SCMH1: variants seen among roughly 807,000 people sequenced by gnomAD.
The protein encoded by SCMH1 is polycomb protein SCMH1.
A neutral mutation model predicts 70.8 loss-of-function variants in SCMH1; 37 were observed. The ratio of observed to expected loss-of-function variants is 0.52; its 90% CI spans 0.40 to 0.69. SCMH1 has a LOEUF of 0.69. SCMH1 is among the 30% of genes least tolerant of loss of function. SCMH1 has a pLI of 0.00. For missense variants in SCMH1, 607 were observed against 827.3 expected (o/e 0.73, Z 3.27); for synonymous variants, 292 against 307.4 (o/e 0.95, Z 0.52).
At chr1:41,174,434 C>T (rs1646982549) in intron 2 of SCMH1, among the ~76,000 whole-genome samples, 1 of 151,990 alleles carries the variant, frequency 6.6e-6, no homozygotes, top group Non-Finnish European at 1.5e-5. Flanking sequence ...AGTATGTCTA[C>T]AGTACAGGAG....
At chr1:41,141,835 A>ACAGACAGAGT (rs1482094458) in intron 6 of SCMH1, among the ~76,000 whole-genome samples, 37 of 121,798 alleles carry the variant, frequency 3.0e-4, no homozygotes, top group African/African-American at 7.9e-4. Context: ...ACAGACAGAG[A>ACAGACAGAGT]CAGACAATCC....
chr1:41,136,773 CTT>C (rs67410901), intron 6 of SCMH1, among the ~76,000 whole-genome samples: 59 of 108,422 alleles, frequency 5.4e-4, no homozygotes, highest in Admixed American at 8.2e-4. Flanking sequence ...AAGGACAGTA[CTT>C]TTTTTTTTTT....
rs143667729 is a variant in SCMH1, at chr1:41,222,653, C to T, written c.-118+19406G>A. Among the ~76,000 whole-genome samples, 371 of 152,260 alleles carry T rather than the reference C, an allele frequency of 2.4e-3. 2 individuals carry two copies. The highest frequency in any genetic ancestry group is 4.6e-3 in the Admixed American group (71 of 15,300). On this transcript the variant is annotated intron_variant, in intron 1 of 14. Coordinates refer to ENST00000337495, the Ensembl canonical transcript of SCMH1. ...AATCCAGACACCTGGCACCCTAAAGCCTTTTTTCACTTGGGTATTACGGTC... is the reference window on the plus strand; with the variant it reads ...AATCCAGACACCTGGCACCCTAAAGTCTTTTTTCACTTGGGTATTACGGTC...
At position 41,037,561 on chromosome 1, in the gene SCMH1, G is replaced by C. The variant is rs1408328290; in HGVS notation, c.1499-20C>G. The C allele has an allele frequency of 6.2e-6, 10 of 1,610,230 alleles. No individual in the cohort carries two copies. The highest frequency in any genetic ancestry group is 8.5e-6 in the Non-Finnish European group (10 of 1,177,318). ...TTTCACCTGAAAAACAGTAAAACCA[G>C]AGTTAGAGCTTAGAAGGACTGCCAG... On this transcript the variant is annotated intron_variant, in intron 12 of 14. Transcript: ENST00000337495.
intron 5 of SCMH1, among the ~76,000 whole-genome samples, chr1:41,144,239 C>T (rs1358163456): frequency 1.3e-5 from 2 of 152,136 alleles, no homozygotes; most frequent in African/African-American, 2.4e-5. Context: ...GAACCCCCTG[C>T]CCCAGTGGAG....
intron 1 of SCMH1, among the ~76,000 whole-genome samples, chr1:41,237,177 G>A (rs1180691849): frequency 6.6e-6 from 1 of 152,154 alleles, no homozygotes; most frequent in Non-Finnish European, 1.5e-5. Context: ...GAGGAACTCA[G>A]GTTTCCTTTA....
intron 4 of SCMH1, among the ~76,000 whole-genome samples, chr1:41,151,995 G>A (rs1469116127): frequency 6.6e-6 from 1 of 152,186 alleles, no homozygotes; most frequent in East Asian, 1.9e-4. Context: ...GGAAGCTAAT[G>A]GAAAACAGAA....
At chr1:41,115,780 A>G (rs1243783577) in intron 7 of SCMH1, among the ~76,000 whole-genome samples, 1 of 152,130 alleles carries the variant, frequency 6.6e-6, no homozygotes, top group East Asian at 1.9e-4. Flanking sequence ...CATCTTTCAT[A>G]TTCTTTTATT....
intron 12 of SCMH1, among the ~76,000 whole-genome samples, chr1:41,038,336 C>G (rs1645602556): frequency 6.6e-6 from 1 of 152,232 alleles, no homozygotes; most frequent in Non-Finnish European, 1.5e-5. Context: ...GAAGCAGATT[C>G]CTCATGACTG....
chr1:41,100,117 T>C (rs1200247215), intron 8 of SCMH1, among the ~76,000 whole-genome samples: 1 of 152,196 alleles, frequency 6.6e-6, no homozygotes, highest in African/African-American at 2.4e-5. Flanking sequence ...TATGTTTTTA[T>C]ACAGCAAATA....
At chr1:41,123,828 T>G (rs1483686386) in intron 6 of SCMH1, among the ~76,000 whole-genome samples, 1 of 152,162 alleles carries the variant, frequency 6.6e-6, no homozygotes, top group Admixed American at 6.5e-5. Flanking sequence ...AGAACACACA[T>G]ACGTATACAT....
At chr1:41,212,662 C>A (rs1166785888) in intron 1 of SCMH1, among the ~76,000 whole-genome samples, 2 of 152,132 alleles carry the variant, frequency 1.3e-5, no homozygotes, top group Non-Finnish European at 2.9e-5. Context: ...AACAAACCAA[C>A]CACCCCAAGC....
chr1:41,199,933 T>C (rs1248859601), intron 1 of SCMH1, among the ~76,000 whole-genome samples: 1 of 152,214 alleles, frequency 6.6e-6, no homozygotes, highest in Non-Finnish European at 1.5e-5. Context: ...GGTTTCCTTA[T>C]GCCTGCCTAG....
intron 12 of SCMH1, among the ~76,000 whole-genome samples, chr1:41,042,540 C>T (rs1646327297): frequency 1.3e-5 from 2 of 152,188 alleles, no homozygotes; most frequent in Non-Finnish European, 2.9e-5. Flanking sequence ...GCCACTGTGC[C>T]TGGCTGGGCC....
intron 6 of SCMH1, among the ~76,000 whole-genome samples, chr1:41,140,740 C>T (rs1330722033): frequency 6.6e-6 from 1 of 152,176 alleles, no homozygotes; most frequent in Non-Finnish European, 1.5e-5. Context: ...CCTAGAAGAA[C>T]TAGCTGATTC....
chr1:41,200,767 G>A (rs1247164350), intron 1 of SCMH1, among the ~76,000 whole-genome samples: 3 of 152,088 alleles, frequency 2.0e-5, no homozygotes, highest in South Asian at 2.1e-4. Flanking sequence ...ACGCTTCTTA[G>A]AATGGCTTTT....
chr1:41,043,890 A>G (rs537730283), intron 12 of SCMH1: 1 of 152,270 alleles, frequency 6.6e-6, no homozygotes, highest in South Asian at 2.1e-4. Flanking sequence ...TTTTAAATAT[A>G]CAGGTATTCA....
chr1:41,057,641 C>T (rs1327056126), intron 10 of SCMH1, among the ~76,000 whole-genome samples: 3 of 152,146 alleles, frequency 2.0e-5, no homozygotes, highest in Admixed American at 6.5e-5. Context: ...GAAGAAAAAG[C>T]GGCACACTCA....
intron 12 of SCMH1, chr1:41,045,798 C>T (rs1317870538): frequency 6.6e-6 from 1 of 152,300 alleles, no homozygotes; most frequent in African/African-American, 2.4e-5. Flanking sequence ...TCCATTGAAT[C>T]TTTAATCTCT....
Sources: allele counts gnomAD v4.1 joint callset (sites outside exome capture counted in the v4.1 genomes callset), GRCh38; gene constraint gnomAD v4.1.1; transcripts MANE v1.5; gene names NCBI Gene and HGNC (gene_info 2026-07-23, HGNC 2026-07-21).